The following NAALADL2 variants were observed in gnomAD, a reference collection of about 807,000 sequenced individuals.
NAALADL2 encodes N-acetylated alpha-linked acidic dipeptidase like 2.
NAALADL2 carries 76 observed loss-of-function variants against 87.2 expected under a neutral mutation model. The observed-to-expected ratio is 0.87, with a 90% CI of 0.72 to 1.05. The LOEUF (loss-of-function observed/expected upper bound fraction) is 1.05. Among genes scored for constraint, NAALADL2 ranks in the 50% least tolerant of loss-of-function variants. NAALADL2 has a pLI of 0.00. For synonymous variants in NAALADL2, 354 were observed against 331.0 expected (o/e 1.07, Z -0.75); for missense variants, 1,089 against 945.8 (o/e 1.15, Z -1.99).
At chr3:175,703,846 T>C (rs1402918511) in intron 11 of NAALADL2, among the ~76,000 whole-genome samples, 1 of 152,210 alleles carries the variant, frequency 6.6e-6, no homozygotes, top group Non-Finnish European at 1.5e-5. Flanking sequence ...TTTGACATGA[T>C]GAATTTATTT....
intron 3 of NAALADL2, among the ~76,000 whole-genome samples, chr3:174,841,576 C>G (rs1724027708): frequency 6.6e-6 from 1 of 152,170 alleles, no homozygotes; most frequent in African/African-American, 2.4e-5. Flanking sequence ...GTTCTACTTG[C>G]AAATGTTATT....
At chr3:175,713,706 T>C (rs1480924422) in intron 11 of NAALADL2, among the ~76,000 whole-genome samples, 2 of 152,082 alleles carry the variant, frequency 1.3e-5, no homozygotes, top group African/African-American at 4.8e-5. Context: ...TGTTTGTTTG[T>C]TTTTTCTTAC....
At chr3:174,782,251 G>A (rs147419649) in intron 3 of NAALADL2, among the ~76,000 whole-genome samples, 25 of 152,062 alleles carry the variant, frequency 1.6e-4, no homozygotes, top group Admixed American at 2.0e-4. Context: ...AAAGGTGTTC[G>A]CCCAGTGAAA....
intron 6 of NAALADL2, among the ~76,000 whole-genome samples, chr3:175,458,791 A>C (rs73884412): frequency 6.6e-6 from 1 of 152,044 alleles, no homozygotes; most frequent in African/African-American, 2.4e-5. Flanking sequence ...GCACTGGTAC[A>C]TACAGGCTAT....
chr3:175,487,575 G>A (rs1319333449), intron 9 of NAALADL2: 1 of 455,332 alleles, frequency 2.2e-6, no homozygotes, highest in Non-Finnish European at 4.4e-6. Context: ...TATCCACAGA[G>A]CTCTTATATG....
chr3:175,387,000 A>C (rs551774262), intron 5 of NAALADL2, among the ~76,000 whole-genome samples: 1 of 152,264 alleles, frequency 6.6e-6, no homozygotes, highest in East Asian at 1.9e-4. Flanking sequence ...AAAGAAAAAA[A>C]CTTATTCTAA....
chr3:175,233,945 T>C lies in NAALADL2; in HGVS notation c.560T>C (p.Leu187Pro), dbSNP rs757705453. ...ATTTATTTCAGAAATTTGGTACAAC[T>C]ATATAAAAATGAAGATGACATGGAA... ...IKKSFRNLVQ[L>P]YKNEDDMEIS... Residue 187 changes from leucine to proline, a missense_variant, in exon 3 of 14, where the codon CTA (leucine) becomes CCA (proline). By Grantham distance (98) the Leu-to-Pro change is moderately conservative. Transcript: ENST00000454872. 4 of 1,579,108 alleles carry C rather than the reference T, an allele frequency of 2.5e-6. No homozygotes were observed. The highest frequency in any genetic ancestry group is 3.5e-6 in the Non-Finnish European group (4 of 1,154,372).
intron 10 of NAALADL2, among the ~76,000 whole-genome samples, chr3:175,604,172 G>A (rs1329526832): frequency 1.3e-5 from 2 of 151,982 alleles, no homozygotes; most frequent in Non-Finnish European, 2.9e-5. Flanking sequence ...ATAATGCAAA[G>A]GGTTCCAATG....
chr3:175,350,559 G>A (rs1337072958), intron 5 of NAALADL2, among the ~76,000 whole-genome samples: 4 of 152,112 alleles, frequency 2.6e-5, no homozygotes, highest in South Asian at 4.1e-4. Flanking sequence ...GAACACTGAT[G>A]CAGCCATATC....
At chr3:175,142,639 C>A (rs191186099) in intron 2 of NAALADL2, among the ~76,000 whole-genome samples, 39 of 151,916 alleles carry the variant, frequency 2.6e-4, no homozygotes, top group Admixed American at 6.6e-4. Flanking sequence ...TACATGATTT[C>A]TCCTAGATTT....
chr3:175,372,550 A>G (rs1766643196), intron 5 of NAALADL2, among the ~76,000 whole-genome samples: 1 of 152,224 alleles, frequency 6.6e-6, no homozygotes, highest in Non-Finnish European at 1.5e-5. Context: ...CATCATTGTA[A>G]TATTCCACTT....
intron 3 of NAALADL2, among the ~76,000 whole-genome samples, chr3:174,822,469 C>A (rs903071045): frequency 6.6e-6 from 1 of 152,238 alleles, no homozygotes; most frequent in Admixed American, 6.5e-5. Flanking sequence ...GTTGATCTGA[C>A]TCATGCACAG....
intron 2 of NAALADL2, among the ~76,000 whole-genome samples, chr3:174,653,185 A>G (rs946351045): frequency 1.3e-5 from 2 of 152,214 alleles, no homozygotes; most frequent in African/African-American, 4.8e-5. Flanking sequence ...TCCAACATAC[A>G]TATTTTTCCT....
chr3:174,726,334 A>AGCAAAGGCTGTGCAGGT (rs1732176872), intron 2 of NAALADL2, among the ~76,000 whole-genome samples: 1 of 152,320 alleles, frequency 6.6e-6, no homozygotes, highest in South Asian at 2.1e-4. Context: ...CCAGTGGAAA[A>AGCAAAGGCTGTGCAGGT]GCAAAGGCTG....
chr3:175,360,310 A>T (rs1295510148), intron 5 of NAALADL2, among the ~76,000 whole-genome samples: 1 of 152,152 alleles, frequency 6.6e-6, no homozygotes, highest in Non-Finnish European at 1.5e-5. Flanking sequence ...CAAGTTACAC[A>T]AACTTACTGA....
intron 1 of NAALADL2, among the ~76,000 whole-genome samples, chr3:174,954,750 A>G (rs1232985636): frequency 6.6e-6 from 1 of 152,080 alleles, no homozygotes; most frequent in Admixed American, 6.6e-5. Flanking sequence ...TCAAATGGGA[A>G]TGGGAACATT....
chr3:174,998,222 G>A (rs1028218111), intron 1 of NAALADL2, among the ~76,000 whole-genome samples: 4 of 152,156 alleles, frequency 2.6e-5, no homozygotes, highest in African/African-American at 9.7e-5. Flanking sequence ...AGTGTACAAG[G>A]ATACCCTATT....
At chr3:174,556,838 T>C (rs1310958788) in intron 2 of NAALADL2, among the ~76,000 whole-genome samples, 1 of 152,080 alleles carries the variant, frequency 6.6e-6, no homozygotes, top group Non-Finnish European at 1.5e-5. Context: ...ACTCCTGGGC[T>C]CAAGCAATCC....
intron 2 of NAALADL2, among the ~76,000 whole-genome samples, chr3:174,700,411 A>C (rs1729443351): frequency 6.6e-6 from 1 of 152,140 alleles, no homozygotes; most frequent in African/African-American, 2.4e-5. Context: ...AATCTATCTT[A>C]ATGGCAAAAA....
Sources: gnomAD v4.1 joint callset for allele counts (sites outside exome capture counted in the v4.1 genomes callset) on GRCh38, gnomAD v4.1.1 for gene constraint, MANE v1.5 for transcripts, NCBI Gene and HGNC (gene_info 2026-07-23, HGNC 2026-07-21) for gene names.